Variants in MAP4K2 observed in about 807,000 individuals in gnomAD.
The protein encoded by MAP4K2 is mitogen-activated protein kinase kinase kinase kinase 2.
MAP4K2 carries 85 observed loss-of-function variants against 125.3 expected under a neutral mutation model. The observed-to-expected ratio is 0.68, with a 90% CI of 0.57 to 0.81. MAP4K2 has a LOEUF of 0.81. MAP4K2 is among the 40% of genes least tolerant of loss of function. The probability of loss-of-function intolerance (pLI) is 0.00; values close to 1 mark genes in which losing one functional copy is unlikely to be tolerated. For missense variants in MAP4K2, 923 were observed against 1,056.4 expected (o/e 0.87, Z 1.75); for synonymous variants, 479 against 445.1 (o/e 1.08, Z -0.96).
chr11:64,794,126 C>A (rs2136041198), intron 24 of MAP4K2, among the ~76,000 whole-genome samples: 3 of 152,336 alleles, frequency 2.0e-5, no homozygotes, highest in Middle Eastern at 6.8e-3. Context: ...CCAGCCCCAC[C>A]AAGCCATGGA....
At position 64,803,214 on chromosome 11, in the gene MAP4K2, C is replaced by A. The variant is rs1014756300; in HGVS notation, c.-65G>T. The A allele has an allele frequency of 8.5e-5, 54 of 636,442 alleles. No homozygotes were observed. The highest frequency in any genetic ancestry group is 1.3e-4 in the Admixed American group (2 of 15,196). 39.4% of individuals were successfully genotyped at this position (636,442 alleles called of 1,614,324 possible). On this transcript the variant is annotated 5_prime_UTR_variant, in exon 1 of 32. Coordinates refer to ENST00000294066, the MANE Select transcript of MAP4K2 (RefSeq NM_004579.5). ...GCTGCGGAGCCGGCGCGGGGCGGCG[C>A]GGGGCGGGGCGGGCGCCCGTGGCTC...
chr11:64,802,314 G>A (rs1941250073), intron 4 of MAP4K2, 105 bp downstream of exon 4: 1 of 1,257,614 alleles, frequency 8.0e-7, no homozygotes, highest in Middle Eastern at 1.9e-4. Flanking sequence ...CCAGGCAGGA[G>A]TGGAGAGGAG....
Position 64,802,163 on chromosome 11 carries a change from C to T in MAP4K2, c.311-42G>A, listed in dbSNP as rs200129802. On this transcript the variant is annotated intron_variant, in intron 4 of 31. Transcript: ENST00000294066. ...GAGGCTGGCTTGGGGGCCCGGGGGT[C>T]ATGCCCACCCTCCCAGGCTACCGTG... is the stretch of plus-strand genomic sequence containing the variant. 451 of 1,556,700 alleles carry T rather than the reference C, an allele frequency of 2.9e-4. No individual in the cohort carries two copies. The African/African-American group carries it at 5.2e-3, about 18-fold the overall frequency.
chr11:64,794,508 C>T (rs1219200439), intron 24 of MAP4K2, among the ~76,000 whole-genome samples: 6 of 152,008 alleles, frequency 3.9e-5, no homozygotes, highest in Non-Finnish European at 7.4e-5. Flanking sequence ...TACAGGCGCC[C>T]GCCACCATGC....
chr11:64,800,389 G>A lies in MAP4K2; in HGVS notation c.729C>T (p.Thr243=), dbSNP rs780897762. The change falls in exon 11 of 32, where the codon ACC becomes ACT. Residue 243 remains threonine (T), a synonymous_variant. Coordinates refer to ENST00000294066, the MANE Select transcript of MAP4K2 (RefSeq NM_004579.5). The stretch of plus-strand genomic sequence containing the variant: ...GTTTGAGAAAGTGGTGGAAATTCTG[G>A]GTCCTAGAAGGCACAAGAGCCCCCC... ...PPKLRDKTRW[T]QNFHHFLKLA... 2 of 1,613,820 alleles carry A rather than the reference G, an allele frequency of 1.2e-6. No individual in the cohort carries two copies. Among genetic ancestry groups the A allele is most frequent in the Admixed American group, 1.7e-5 (1 of 59,990 alleles).
chr11:64,801,762 C>A lies in MAP4K2; in HGVS notation c.367-5G>T, dbSNP rs369940309. The A allele has an allele frequency of 2.5e-6, 4 of 1,612,706 alleles. No homozygotes were observed. Among genetic ancestry groups the A allele is most frequent in the African/African-American group, 2.7e-5 (2 of 74,906 alleles). The stretch of plus-strand genomic sequence containing the variant: ...AGAATGCAGGTGGTGGAGCCCCTGG[C>A]GACAAAGAGGAGTCCCTGAGAGCAG... On this transcript the variant is annotated splice_region_variant and splice_polypyrimidine_tract_variant and intron_variant, in intron 5 of 31. Transcript: ENST00000294066.
chr11:64,797,897 G>T (rs534713874), intron 15 of MAP4K2, among the ~76,000 whole-genome samples: 1 of 151,792 alleles, frequency 6.6e-6, no homozygotes, highest in African/African-American at 2.4e-5. Context: ...AGTACAGAGG[G>T]GGTTTCACCG....
chr11:64,800,406 G>A lies in MAP4K2; in HGVS notation c.726-14C>T, dbSNP rs750655424. ...AAATTCTGGGTCCTAGAAGGCACAA[G>A]AGCCCCCCAGCGCCAGATCCAGGTT... On this transcript the variant is annotated splice_polypyrimidine_tract_variant and intron_variant, in intron 10 of 31. Transcript: ENST00000294066. 1.2e-6 allele frequency: 2 copies of A among 1,613,444 alleles called. No individual in the cohort carries two copies. Among genetic ancestry groups the A allele is most frequent in the African/African-American group, 1.3e-5 (1 of 74,922 alleles).
chr11:64,790,151 C>A, intron 29 of MAP4K2, 37 bp downstream of exon 29: 1 of 1,611,524 alleles, frequency 6.2e-7, no homozygotes, highest in South Asian at 1.1e-5. Context: ...TGCTCCAGGC[C>A]AGGGAAAGGC....
At chr11:64,799,946 G>A (rs1420790695) in intron 12 of MAP4K2, among the ~76,000 whole-genome samples, 163 bp downstream of exon 12, 2 of 152,208 alleles carry the variant, frequency 1.3e-5, no homozygotes, top group African/African-American at 4.8e-5. Flanking sequence ...GGGTGGTACA[G>A]GAAACAAAAG....
intron 27 of MAP4K2, among the ~76,000 whole-genome samples, chr11:64,790,871 C>T (rs1218523711): frequency 6.6e-6 from 1 of 152,218 alleles, no homozygotes; most frequent in Non-Finnish European, 1.5e-5. Context: ...CGCAGTGGCT[C>T]ACACCTGTAA....
chr11:64,802,413 C>A lies in MAP4K2; in HGVS notation c.310+6G>T. 1.3e-6 allele frequency: 2 copies of A among 1,490,976 alleles called. No individual in the cohort carries two copies. Among genetic ancestry groups the A allele is most frequent in the Non-Finnish European group, 8.9e-7 (1 of 1,120,282 alleles). 92.4% of individuals were successfully genotyped at this position (1,490,976 alleles called of 1,614,324 possible). On this transcript the variant is annotated splice_donor_region_variant and intron_variant, in intron 4 of 31. Transcript: ENST00000294066. ...GGCCTGCTGGGGCCTGGAGCCCTGG[C>A]CTCACCATGGTAAATCTCCTGCAGG... is the stretch of plus-strand genomic sequence containing the variant.
In MAP4K2 at chr11:64,789,873, C is replaced by G; in HGVS notation, c.2319+16G>C. 6.2e-7 allele frequency: 1 copy of G among 1,614,014 alleles called. No homozygotes were observed. The highest frequency in any genetic ancestry group is 8.5e-7 in the Non-Finnish European group (1 of 1,179,988). ...CCACAAGGCAGGGGACAGCAAGGTC[C>G]CTGGGCCCCACTCACCTCATTGGTA... On this transcript the variant is annotated intron_variant, in intron 30 of 31. Transcript: ENST00000294066.
Position 64,802,486 on chromosome 11 carries a change from A to G in MAP4K2, c.246-3T>C. On this transcript the variant is annotated splice_region_variant and splice_polypyrimidine_tract_variant and intron_variant, in intron 3 of 31. Transcript: ENST00000294066. ...TGCAGATCCACAAGCGGTCATTCCT[A>G]GGGACAAAGAGCTGGGGTGGGCACA... is the stretch of plus-strand genomic sequence containing the variant. 1.3e-6 allele frequency: 2 copies of G among 1,533,148 alleles called. No individual in the cohort carries two copies. Among genetic ancestry groups the G allele is most frequent in the East Asian group, 2.3e-5 (1 of 43,450 alleles). 95.0% of individuals were successfully genotyped at this position (1,533,148 alleles called of 1,614,324 possible).
chr11:64,802,677 G>A (rs1244569758), intron 2 of MAP4K2, 24 bp from the exon 3 acceptor site: 18 of 1,607,028 alleles, frequency 1.1e-5, no homozygotes, highest in Non-Finnish European at 1.4e-5. Flanking sequence ...AGCATCATGG[G>A]GAAGGCGCGC....
chr11:64,789,123 A>C lies in MAP4K2; in HGVS notation c.*414T>G, dbSNP rs552004831. The C allele has an allele frequency of 5.0e-6, 1 of 198,172 alleles. No homozygotes were observed. The highest frequency in any genetic ancestry group is 9.1e-5 in the South Asian group (1 of 11,010). 12.3% of individuals were successfully genotyped at this position (198,172 alleles called of 1,614,324 possible). On this transcript the variant is annotated 3_prime_UTR_variant, in exon 32 of 32. Coordinates refer to ENST00000294066, the MANE Select transcript of MAP4K2 (RefSeq NM_004579.5). The stretch of plus-strand genomic sequence containing the variant: ...AGGTGGGTTCACTCCCCCTACCCAG[A>C]GGGACCAGAGGACTAAAACAAACCA...
At chr11:64,796,599 A>G in intron 22 of MAP4K2, 35 bp downstream of exon 22, 1 of 1,613,874 alleles carries the variant, frequency 6.2e-7, no homozygotes, top group Non-Finnish European at 8.5e-7. Flanking sequence ...AGGCCCCCAC[A>G]AGGCCTCTGC....
chr11:64,790,565 C>G, intron 27 of MAP4K2, 103 bp from the exon 28 acceptor site: 3 of 1,068,306 alleles, frequency 2.8e-6, no homozygotes, highest in Non-Finnish European at 4.3e-6. Flanking sequence ...CATGAGGGCA[C>G]GTCAGCCTCA....
chr11:64,790,048 CACTG>C, intron 29 of MAP4K2, 89 bp from the exon 30 acceptor site: 1 of 1,553,342 alleles, frequency 6.4e-7, no homozygotes, highest in African/African-American at 1.4e-5. Flanking sequence ...CAGGGGTCCT[CACTG>C]ACCTCAGGTG....
Sources: gnomAD v4.1 joint callset for allele counts (sites outside exome capture counted in the v4.1 genomes callset) on GRCh38, gnomAD v4.1.1 for gene constraint, MANE v1.5 for transcripts, NCBI Gene and HGNC (gene_info 2026-07-23, HGNC 2026-07-21) for gene names.